Variants in IGBP1C observed in about 807,000 individuals in gnomAD.
The protein encoded by IGBP1C is immunoglobulin-binding protein 1 family member C.
chr17:58,666,116 G>A, the IGBP1C span, among the ~76,000 whole-genome samples: 2 of 151,852 alleles, frequency 1.3e-5, no homozygotes, highest in South Asian at 2.1e-4. Context: ...GGCTGAAGGT[G>A]TGGATCACTT....
the IGBP1C span, among the ~76,000 whole-genome samples, chr17:58,682,499 C>A: frequency 2.6e-5 from 4 of 152,232 alleles, no homozygotes; most frequent in East Asian, 5.8e-4. Flanking sequence ...CCCAAATGAT[C>A]CACCTGCCTC....
At chr17:58,687,272 C>T in the IGBP1C span, among the ~76,000 whole-genome samples, 1 of 152,116 alleles carries the variant, frequency 6.6e-6, no homozygotes, top group South Asian at 2.1e-4. Context: ...CTTCTCCCAC[C>T]TCCCTTCTCA....
chr17:58,671,760 T>C, the IGBP1C span, among the ~76,000 whole-genome samples: 1 of 152,190 alleles, frequency 6.6e-6, no homozygotes, highest in Admixed American at 6.6e-5. Flanking sequence ...TGTTCTATTT[T>C]CTCACCATTT....
At chr17:58,661,370 T>C in the IGBP1C span, 1 of 923,186 alleles carries the variant, frequency 1.1e-6, no homozygotes, top group South Asian at 1.3e-5. Flanking sequence ...GTACTTCAGG[T>C]CGGTGGAAGT....
the IGBP1C span, chr17:58,660,897 A>T: frequency 1.2e-6 from 1 of 823,494 alleles, no homozygotes; most frequent in East Asian, 2.4e-5. Context: ...TTCTGGTGAC[A>T]TGAGTTAGAA....
At chr17:58,678,853 T>TAATAATAATAATAAA in the IGBP1C span, among the ~76,000 whole-genome samples, 880 of 146,710 alleles carry the variant, frequency 6.0e-3, 7 homozygotes, top group African/African-American at 0.02. Context: ...ATAATAATAA[T>TAATAATAATAATAAA]AAAAGAGAAG....
chr17:58,670,328 T>G, the IGBP1C span, among the ~76,000 whole-genome samples: 1 of 152,056 alleles, frequency 6.6e-6, no homozygotes, highest in Non-Finnish European at 1.5e-5. Context: ...TGCCTATCTA[T>G]CCATCTATCT....
At chr17:58,663,173 A>C in the IGBP1C span, among the ~76,000 whole-genome samples, 4 of 151,818 alleles carry the variant, frequency 2.6e-5, no homozygotes, top group Admixed American at 1.3e-4. Context: ...CTGTAATCCC[A>C]GCACTTTTGG....
chr17:58,663,443 C>T, the IGBP1C span, among the ~76,000 whole-genome samples: 2 of 147,512 alleles, frequency 1.4e-5, no homozygotes, highest in Non-Finnish European at 3.0e-5. Context: ...AAAAAAAAGT[C>T]ATTAATGCCA....
the IGBP1C span, among the ~76,000 whole-genome samples, chr17:58,681,328 G>A: frequency 6.6e-6 from 1 of 152,090 alleles, no homozygotes; most frequent in Non-Finnish European, 1.5e-5. Flanking sequence ...ACATAGAGGT[G>A]TCTTAGATGG....
chr17:58,683,882 T>A, the IGBP1C span, among the ~76,000 whole-genome samples: 1 of 150,832 alleles, frequency 6.6e-6, no homozygotes, highest in African/African-American at 2.4e-5. Context: ...CTGGCCAACA[T>A]GATGAAACCC....
At chr17:58,670,049 T>C in the IGBP1C span, among the ~76,000 whole-genome samples, 1 of 152,316 alleles carries the variant, frequency 6.6e-6, no homozygotes, top group African/African-American at 2.4e-5. Flanking sequence ...CCTCAGAGCC[T>C]TTGCCTGTGT....
At chr17:58,661,411 C>T in the IGBP1C span, 1 of 846,144 alleles carries the variant, frequency 1.2e-6, no homozygotes. Context: ...TTCGGCTGAA[C>T]AAGTCAAGCT....
the IGBP1C span, among the ~76,000 whole-genome samples, chr17:58,678,707 G>C: frequency 1.3e-5 from 2 of 151,870 alleles, no homozygotes; most frequent in Non-Finnish European, 2.9e-5. Context: ...ATAGCATTAG[G>C]AGACATACCT....
At chr17:58,666,081 C>T in the IGBP1C span, among the ~76,000 whole-genome samples, 28 of 151,322 alleles carry the variant, frequency 1.9e-4, 1 homozygote, top group South Asian at 1.9e-3. Context: ...CCATGGCTCA[C>T]GCCTGTAATT....
chr17:58,691,700 G>A, the IGBP1C span, among the ~76,000 whole-genome samples: 197 of 149,376 alleles, frequency 1.3e-3, 1 homozygote, highest in Non-Finnish European at 1.6e-4. Context: ...CAATAGGTAG[G>A]GAATAAGTTA....
chr17:58,663,762 C>T, the IGBP1C span, among the ~76,000 whole-genome samples: 1 of 152,176 alleles, frequency 6.6e-6, no homozygotes, highest in Non-Finnish European at 1.5e-5. Flanking sequence ...GCCAATGTGC[C>T]AGGCCACTAA....
the IGBP1C span, chr17:58,660,656 G>A: frequency 1.3e-6 from 1 of 785,678 alleles, no homozygotes; most frequent in Non-Finnish European, 2.4e-6. Flanking sequence ...TCTTTGGAGT[G>A]TTTGTTCATC....
At chr17:58,671,175 C>T in the IGBP1C span, among the ~76,000 whole-genome samples, 1 of 152,152 alleles carries the variant, frequency 6.6e-6, no homozygotes, top group East Asian at 1.9e-4. Context: ...GCAGTGTCTG[C>T]TGCTTAACCC....
Sources: allele counts gnomAD v4.1 joint callset (sites outside exome capture counted in the v4.1 genomes callset), GRCh38; gene constraint gnomAD v4.1.1; transcripts MANE v1.5; gene names NCBI Gene and HGNC (gene_info 2026-07-23, HGNC 2026-07-21).